Variants in BAZ2B observed in about 807,000 individuals in gnomAD.
The protein encoded by BAZ2B is bromodomain adjacent to zinc finger domain 2B.
Under a neutral mutation model 246.0 loss-of-function variants are expected in BAZ2B, and 91 were observed. The observed-to-expected ratio is 0.37, with a 90% CI of 0.31 to 0.44. The LOEUF is 0.44. Among genes scored for constraint, BAZ2B ranks in the 20% least tolerant of loss-of-function variants. The pLI, the probability that BAZ2B is intolerant of heterozygous loss-of-function variation, is 1.00. For missense variants in BAZ2B, 2,332 were observed against 2,533.7 expected, an observed-to-expected ratio of 0.92 and a Z score of 1.71; for synonymous variants, 855 against 860.0, an observed-to-expected ratio of 0.99 and a Z score of 0.10.
chr2:159,530,839 G>T (rs1485331255), intron 2 of BAZ2B, among the ~76,000 whole-genome samples: 2 of 151,874 alleles, frequency 1.3e-5, no homozygotes, highest in African/African-American at 2.4e-5. Context: ...GCATGGTGCC[G>T]CATGCCTGTA....
rs541556325 is a variant in BAZ2B at position 159,450,943 on chromosome 2, T to C, written c.335-2534A>G. On this transcript the variant is annotated intron_variant, in intron 4 of 36. Transcript: ENST00000392783. Reference sequence around the variant, plus strand: ...TTGGTAGAGATGAGGTTTGGCTATGTTGGTGAGGCCTCAAGTGATCTGCCT... The same window carrying C: ...TTGGTAGAGATGAGGTTTGGCTATGCTGGTGAGGCCTCAAGTGATCTGCCT... Among the ~76,000 whole-genome samples the C allele has an allele frequency of 3.3e-5, 5 of 152,170 alleles. No individual in the cohort carries two copies. In the South Asian group the frequency reaches 1.0e-3, roughly 31 times the overall value.
At chr2:159,328,433 T>C (rs540302712) in intron 34 of BAZ2B, among the ~76,000 whole-genome samples, 2 of 152,264 alleles carry the variant, frequency 1.3e-5, no homozygotes, top group East Asian at 3.9e-4. Context: ...GGCCACAGAA[T>C]GTATTTGGTT....
At chr2:159,513,862 G>A (rs555497974) in intron 2 of BAZ2B, among the ~76,000 whole-genome samples, 26 of 152,168 alleles carry the variant, frequency 1.7e-4, no homozygotes, top group African/African-American at 5.8e-4. Flanking sequence ...GGCCCTACAT[G>A]AATAACCCAC....
intron 1 of BAZ2B, among the ~76,000 whole-genome samples, chr2:159,563,371 C>T (rs966751951): frequency 2.6e-5 from 4 of 152,008 alleles, no homozygotes; most frequent in African/African-American, 9.7e-5. Context: ...CCATAATTAT[C>T]GACTTCACAA....
At position 159,385,171 on chromosome 2, in the gene BAZ2B, T is replaced by G; in HGVS notation, c.3670A>C (p.Ser1224Arg). The change falls in exon 23 of 37, where the codon AGC becomes CGC. Residue 1224 changes from serine (S) to arginine (R), a missense_variant. Transcript: ENST00000392783. ...TATGCTCACCTGACCACACTCTTGCTGCATGCCAGTTCATTGATCAGGAAA... is the reference window on the plus strand; with the variant it reads ...TATGCTCACCTGACCACACTCTTGCGGCATGCCAGTTCATTGATCAGGAAA... Reference protein sequence around the residue: ...LAFLINELACSKSVVSEIDKN... With the variant: ...LAFLINELACRKSVVSEIDKN... The G allele has an allele frequency of 6.2e-7, 1 of 1,613,416 alleles. No homozygotes were observed. The highest frequency in any genetic ancestry group is 8.5e-7 in the Non-Finnish European group (1 of 1,179,474).
At chr2:159,394,385 G>A (rs1198580473) in intron 20 of BAZ2B, among the ~76,000 whole-genome samples, 2 of 152,024 alleles carry the variant, frequency 1.3e-5, no homozygotes, top group African/African-American at 4.8e-5. Flanking sequence ...TTCCCTGACT[G>A]TCATTTTTCA....
intron 27 of BAZ2B, among the ~76,000 whole-genome samples, 181 bp from the exon 28 acceptor site, chr2:159,350,538 T>C (rs181395929): frequency 0.036 from 5,231 of 144,564 alleles, 184 homozygotes; most frequent in African/African-American, 0.1. Flanking sequence ...AAAATTAACA[T>C]ATATATATAT....
the BAZ2B span, among the ~76,000 whole-genome samples, chr2:159,654,532 A>G: frequency 2.0e-5 from 3 of 152,218 alleles, no homozygotes; most frequent in Non-Finnish European, 4.4e-5. Flanking sequence ...CTTCTAAGGT[A>G]GCACTAAGAG....
At chr2:159,519,210 C>CTTTTTTTT (rs564614568) in intron 2 of BAZ2B, among the ~76,000 whole-genome samples, 1,044 of 57,814 alleles carry the variant, frequency 0.018, 128 homozygotes, top group Non-Finnish European at 0.023. Flanking sequence ...ATTCTATTTT[C>CTTTTTTTT]TTTTTTTTTT....
At chr2:159,602,879 A>G (rs532528185) in intron 1 of BAZ2B, among the ~76,000 whole-genome samples, 3 of 152,314 alleles carry the variant, frequency 2.0e-5, no homozygotes, top group African/African-American at 4.8e-5. Flanking sequence ...GCTCACACCT[A>G]TAATCCCAAC....
chr2:159,476,544 T>C (rs558233419), intron 3 of BAZ2B, among the ~76,000 whole-genome samples: 156 of 152,240 alleles, frequency 1.0e-3, no homozygotes, highest in Non-Finnish European at 1.6e-3. Flanking sequence ...GTGCCCAACA[T>C]ATGACTCATG....
rs2067097021 is a variant in BAZ2B at position 159,343,337 on chromosome 2, G to A, written c.5454+4149C>T. ...CAGAAGAAACAGGACACTGGTCTGG[G>A]AAAATATTTTATATATAAAACTTCA... On this transcript the variant is annotated intron_variant, in intron 31 of 36. Coordinates refer to ENST00000392783, the MANE Select transcript of BAZ2B (RefSeq NM_013450.4). Among the ~76,000 whole-genome samples, 2 of 151,554 alleles carry A rather than the reference G, an allele frequency of 1.3e-5. 1 individual carries two copies. Among genetic ancestry groups the A allele is most frequent in the South Asian group, 4.2e-4 (2 of 4,732 alleles).
intron 2 of BAZ2B, chr2:159,516,141 C>G (rs1352722858): frequency 6.6e-6 from 1 of 152,020 alleles, no homozygotes; most frequent in Non-Finnish European, 1.5e-5. Flanking sequence ...AGTTTCTACT[C>G]TAATTGTAAA....
intron 36 of BAZ2B, among the ~76,000 whole-genome samples, chr2:159,323,601 G>A (rs972377380): frequency 3.3e-5 from 5 of 151,860 alleles, no homozygotes; most frequent in African/African-American, 1.2e-4. Context: ...TCAGGAGTTC[G>A]AGACCAGCCT....
At chr2:159,389,248 A>T in intron 21 of BAZ2B, 97 bp downstream of exon 21, 1 of 1,245,406 alleles carries the variant, frequency 8.0e-7, no homozygotes, top group Non-Finnish European at 1.1e-6. Context: ...TTAAAAATGA[A>T]AGGCTTTCAC....
chr2:159,438,800 T>A, intron 7 of BAZ2B, 105 bp from the exon 8 acceptor site: 1 of 1,337,312 alleles, frequency 7.5e-7, no homozygotes, highest in Non-Finnish European at 1.0e-6. Context: ...GTGTTCTTAA[T>A]GCCTTATGAT....
intron 1 of BAZ2B, among the ~76,000 whole-genome samples, chr2:159,596,223 G>C (rs1429750686): frequency 6.6e-6 from 1 of 152,092 alleles, no homozygotes; most frequent in Non-Finnish European, 1.5e-5. Context: ...ATTGTACATA[G>C]GTTGTAAGTC....
intron 2 of BAZ2B, among the ~76,000 whole-genome samples, chr2:159,498,600 A>G (rs1269410815): frequency 6.6e-6 from 1 of 152,188 alleles, no homozygotes; most frequent in African/African-American, 2.4e-5. Flanking sequence ...CACAAAATTA[A>G]TTTTGTTCAG....
intron 1 of BAZ2B, among the ~76,000 whole-genome samples, chr2:159,591,838 ATTTAC>A (rs1689461953): frequency 6.6e-6 from 1 of 152,248 alleles, no homozygotes; most frequent in Non-Finnish European, 1.5e-5. Flanking sequence ...CTAGTTAGGA[ATTTAC>A]TTTAAACTCT....
Sources: allele counts gnomAD v4.1 joint callset (sites outside exome capture counted in the v4.1 genomes callset), GRCh38; gene constraint gnomAD v4.1.1; transcripts MANE v1.5; gene names NCBI Gene and HGNC (gene_info 2026-07-23, HGNC 2026-07-21).